ZDHHC20: variants seen among roughly 807,000 people sequenced by gnomAD.
The protein encoded by ZDHHC20 is palmitoyltransferase ZDHHC20.
A neutral mutation model predicts 57.8 loss-of-function variants in ZDHHC20; 43 were observed. The ratio of observed to expected loss-of-function variants is 0.74; its 90% CI spans 0.58 to 0.96. The LOEUF is 0.96. Ranked by LOEUF, ZDHHC20 falls within the 40% of genes least tolerant of loss-of-function variation. The pLI is 0.00. For missense variants in ZDHHC20, 391 were observed against 441.1 expected, an observed-to-expected ratio of 0.89 and a Z score of 1.02; for synonymous variants, 157 against 153.0, an observed-to-expected ratio of 1.03 and a Z score of -0.19.
chr13:21,429,406 C>A (rs755378474), intron 1 of ZDHHC20, among the ~76,000 whole-genome samples: 5 of 152,208 alleles, frequency 3.3e-5, no homozygotes, highest in Non-Finnish European at 7.3e-5. Flanking sequence ...GTTGACAGTT[C>A]TTTTCATTCA....
In ZDHHC20 at chr13:21,375,348, G is replaced by GGTGT. The variant is rs146716267; in HGVS notation, c.*1344_*1347dup. Reference sequence around the variant, plus strand: ...GGAAGCAATCAATTATTTTGGGGGGGGTGTGTGTGTGTGTGTGTCTGTCTG... The same window carrying GGTGT: ...GGAAGCAATCAATTATTTTGGGGGGGGTGTGTGTGTGTGTGTGTGTGTCTGTCTG... On this transcript the variant is annotated 3_prime_UTR_variant, in exon 13 of 13. Transcript: ENST00000400590. The GGTGT allele has an allele frequency of 3.2e-5, 11 of 348,294 alleles. No individual in the cohort carries two copies. The highest frequency in any genetic ancestry group is 1.7e-4 in the African/African-American group (8 of 45,840). The allele number at this position is 348,294 out of a possible 1,614,324, so 21.6% of individuals were successfully genotyped here. A position where few individuals can be genotyped will look rare whatever the true frequency, so the allele number is the denominator to read the frequency against.
intron 9 of ZDHHC20, among the ~76,000 whole-genome samples, chr13:21,385,083 A>C (rs1273654622): frequency 6.6e-6 from 1 of 152,038 alleles, no homozygotes; most frequent in Admixed American, 6.6e-5. Flanking sequence ...ATACAATTAA[A>C]AGAGAAACGT....
chr13:21,441,987 GT>G (rs1173142575), intron 1 of ZDHHC20, among the ~76,000 whole-genome samples: 4 of 151,962 alleles, frequency 2.6e-5, no homozygotes, highest in African/African-American at 9.7e-5. Flanking sequence ...ATTATTCCTG[GT>G]TTTATAGTGG....
chr13:21,442,742 G>A (rs1242374083), intron 1 of ZDHHC20, among the ~76,000 whole-genome samples: 5 of 151,636 alleles, frequency 3.3e-5, no homozygotes, highest in East Asian at 1.9e-4. Flanking sequence ...ACGACAGAGC[G>A]AGACTCTATC....
At chr13:21,410,969 G>A (rs889672300) in intron 4 of ZDHHC20, among the ~76,000 whole-genome samples, 7 of 152,306 alleles carry the variant, frequency 4.6e-5, no homozygotes, top group Non-Finnish European at 8.8e-5. Context: ...TTTTGTGCTT[G>A]AAACCCAGGG....
intron 1 of ZDHHC20, among the ~76,000 whole-genome samples, chr13:21,437,693 G>C (rs1209448673): frequency 1.8e-5 from 2 of 110,682 alleles, no homozygotes; most frequent in African/African-American, 5.7e-5. Flanking sequence ...ATGCTTTACT[G>C]AATTTTTTTT....
intron 1 of ZDHHC20, among the ~76,000 whole-genome samples, chr13:21,436,386 A>C (rs1033482058): frequency 1.3e-5 from 2 of 152,320 alleles, no homozygotes; most frequent in East Asian, 3.9e-4. Flanking sequence ...GGTTGTGGCA[A>C]CCCTGCATTA....
chr13:21,430,352 C>T (rs951591812), intron 1 of ZDHHC20, among the ~76,000 whole-genome samples: 2 of 152,012 alleles, frequency 1.3e-5, no homozygotes, highest in Middle Eastern at 3.4e-3. Flanking sequence ...TCCCAGATAG[C>T]CTCCATTGAC....
rs1871729936 is a variant in ZDHHC20 at position 21,374,512 on chromosome 13, G to A, written c.*2184C>T. On this transcript the variant is annotated 3_prime_UTR_variant, in exon 13 of 13. Coordinates refer to ENST00000400590, the MANE Select transcript of ZDHHC20 (RefSeq NM_001330059.2). Reference sequence around the variant, plus strand: ...GGCCTCCCAAAGTGCTGGGATTACAGGCATGAGCCACCACACCCAGCAATA... The same window carrying A: ...GGCCTCCCAAAGTGCTGGGATTACAAGCATGAGCCACCACACCCAGCAATA... 2.3e-6 allele frequency: 1 copy of A among 442,744 alleles called. No individual in the cohort carries two copies. Among genetic ancestry groups the A allele is most frequent in the Admixed American group, 2.4e-5 (1 of 41,552 alleles). 27.4% of individuals were successfully genotyped at this position (442,744 alleles called of 1,614,324 possible).
At chr13:21,382,134 G>C (rs1873541024) in intron 10 of ZDHHC20, 1 of 305,710 alleles carries the variant, frequency 3.3e-6, no homozygotes, top group South Asian at 2.7e-5. Flanking sequence ...AATAAACTTT[G>C]GTGGTAAGTA....
intron 2 of ZDHHC20, among the ~76,000 whole-genome samples, chr13:21,421,437 G>T (rs1051557486): frequency 6.6e-6 from 1 of 152,132 alleles, no homozygotes; most frequent in Non-Finnish European, 1.5e-5. Flanking sequence ...GAAGATTTAA[G>T]CTAAAACACT....
chr13:21,415,723 G>A (rs1256524038), intron 3 of ZDHHC20, among the ~76,000 whole-genome samples: 2 of 152,292 alleles, frequency 1.3e-5, no homozygotes, highest in African/African-American at 2.4e-5. Context: ...CATATTCATA[G>A]TAGAGTATAA....
chr13:21,447,497 C>T (rs1022240309), intron 1 of ZDHHC20, among the ~76,000 whole-genome samples: 5 of 146,256 alleles, frequency 3.4e-5, no homozygotes, highest in Non-Finnish European at 7.6e-5. Context: ...TTGGCCGGGC[C>T]GGTCTCCAGC....
chr13:21,432,491 G>A (rs1882085189), intron 1 of ZDHHC20, among the ~76,000 whole-genome samples: 1 of 152,056 alleles, frequency 6.6e-6, no homozygotes, highest in Admixed American at 6.6e-5. Context: ...CACCATGCCT[G>A]ACTAATTTTT....
At chr13:21,439,723 T>G (rs1882925659) in intron 1 of ZDHHC20, among the ~76,000 whole-genome samples, 1 of 152,160 alleles carries the variant, frequency 6.6e-6, no homozygotes, top group Admixed American at 6.5e-5. Flanking sequence ...TAAAGAGTAG[T>G]ATTTAATCAA....
rs777297294 is a variant in ZDHHC20, at chr13:21,459,140, T to C, written c.32A>G (p.Gln11Arg). 1.2e-6 allele frequency: 2 copies of C among 1,604,970 alleles called. No individual in the cohort carries two copies. The highest frequency in any genetic ancestry group is 3.4e-5 in the Admixed American group (2 of 59,296). MAPWTLWRCCQRVVGWVPVLF... is the reference protein window; with the variant it reads MAPWTLWRCCRRVVGWVPVLF... ...CACCGGCACCCAGCCCACGACGCGC[T>C]GGCAGCAGCGCCACAGCGTCCAGGG... The change falls in exon 1 of 13, where the codon CAG (glutamine) becomes CGG (arginine). Residue 11 changes from glutamine (Q) to arginine (R), a missense_variant. Gln to Arg is a conservative substitution (Grantham distance 43). Coordinates refer to ENST00000400590, the MANE Select transcript of ZDHHC20 (RefSeq NM_001330059.2).
In ZDHHC20 at chr13:21,391,810, A is replaced by C; in HGVS notation, c.639T>G (p.Leu213=). ...TGAAGAACATTGCAGACACAAAGAA[A>C]AGAAAAAGTACGTGGAATTTTGCAC... is the stretch of plus-strand genomic sequence containing the variant. ...DTRAKFHVLF[L]FFVSAMFFIS... Residue 213 remains leucine (L), a synonymous_variant, in exon 8 of 13, where the codon CTT becomes CTG. Coordinates refer to ENST00000400590, the MANE Select transcript of ZDHHC20 (RefSeq NM_001330059.2). 6.2e-7 allele frequency: 1 copy of C among 1,613,462 alleles called. No homozygotes were observed. Among genetic ancestry groups the C allele is most frequent in the Non-Finnish European group, 8.5e-7 (1 of 1,179,742 alleles).
At chr13:21,386,769 G>T (rs1005880286) in intron 9 of ZDHHC20, among the ~76,000 whole-genome samples, 1 of 152,120 alleles carries the variant, frequency 6.6e-6, no homozygotes, top group Admixed American at 6.5e-5. Context: ...GGCTGGTCTT[G>T]AACTCCTGGC....
At chr13:21,419,646 T>G (rs939953308) in intron 3 of ZDHHC20, among the ~76,000 whole-genome samples, 3 of 152,106 alleles carry the variant, frequency 2.0e-5, no homozygotes, top group African/African-American at 7.2e-5. Flanking sequence ...ACTAGAAAAC[T>G]CCATTTATAT....
Sources: gnomAD v4.1 joint callset for allele counts (sites outside exome capture counted in the v4.1 genomes callset) on GRCh38, gnomAD v4.1.1 for gene constraint, MANE v1.5 for transcripts, NCBI Gene and HGNC (gene_info 2026-07-23, HGNC 2026-07-21) for gene names.